Variants in MMP16 observed in about 807,000 individuals in gnomAD.
MMP16 encodes matrix metalloproteinase-16.
MMP16 carries 12 observed loss-of-function variants against 67.8 expected under a neutral mutation model. The ratio of observed to expected loss-of-function variants is 0.18; its 90% CI spans 0.11 to 0.29. The LOEUF is 0.29. MMP16 is among the 10% of genes least tolerant of loss of function. MMP16 has a pLI of 1.00. For synonymous variants in MMP16, 249 were observed against 255.9 expected, an observed-to-expected ratio of 0.97 and a Z score of 0.26; for missense variants, 475 against 765.7, an observed-to-expected ratio of 0.62 and a Z score of 4.48.
intron 3 of MMP16, among the ~76,000 whole-genome samples, chr8:88,178,042 T>C (rs28905771): frequency 6.6e-6 from 1 of 151,654 alleles, no homozygotes; most frequent in African/African-American, 2.4e-5. Flanking sequence ...AGAAATTCAG[T>C]TACAGCCAAC....
chr8:88,303,806 T>G (rs1811171062), intron 1 of MMP16, among the ~76,000 whole-genome samples: 1 of 152,002 alleles, frequency 6.6e-6, no homozygotes, highest in Admixed American at 6.6e-5. Flanking sequence ...CATTCAAAGA[T>G]CAGGAACCTC....
At chr8:88,232,020 C>A (rs1809867392) in intron 1 of MMP16, among the ~76,000 whole-genome samples, 1 of 152,038 alleles carries the variant, frequency 6.6e-6, no homozygotes, top group South Asian at 2.1e-4. Context: ...CGTTTTCCTG[C>A]ATGGACATTG....
At chr8:88,247,031 AG>A (rs1307396678) in intron 1 of MMP16, among the ~76,000 whole-genome samples, 1 of 152,166 alleles carries the variant, frequency 6.6e-6, no homozygotes, top group Admixed American at 6.5e-5. Flanking sequence ...CAGAGGAAGC[AG>A]TTCTTCCAAA....
chr8:88,056,372 T>C, intron 7 of MMP16, 94 bp from the exon 8 acceptor site: 1 of 418,754 alleles, frequency 2.4e-6, no homozygotes, highest in Non-Finnish European at 3.6e-6. Context: ...TAAATACATA[T>C]TATACATTTA....
At chr8:88,184,684 T>C (rs976936555) in intron 3 of MMP16, among the ~76,000 whole-genome samples, 3 of 131,508 alleles carry the variant, frequency 2.3e-5, no homozygotes, top group East Asian at 2.3e-4. Context: ...GAGGCAGAGT[T>C]TGTAGTGAGC....
At position 88,033,531 on chromosome 8, in the gene MMP16, A is replaced by C. The variant is rs1026397385; in HGVS notation, c.*7930T>G. ...TTTAAAAAAGCATCAACCAACTATG[A>C]ACTAATTAGATTTTATGTTTTTGTT... On this transcript the variant is annotated 3_prime_UTR_variant, in exon 10 of 10. Transcript: ENST00000286614. 1 of 151,922 alleles carries C rather than the reference A, an allele frequency of 6.6e-6. No homozygotes were observed. The highest frequency in any genetic ancestry group is 1.5e-5 in the Non-Finnish European group (1 of 67,928). 9.4% of individuals were successfully genotyped at this position (151,922 alleles called of 1,614,324 possible). A position where few individuals can be genotyped will look rare whatever the true frequency, so the allele number is the denominator to read the frequency against.
intron 2 of MMP16, among the ~76,000 whole-genome samples, chr8:88,192,786 A>T (rs1049677653): frequency 6.6e-6 from 1 of 152,220 alleles, no homozygotes; most frequent in Non-Finnish European, 1.5e-5. Context: ...TTTCATTGAA[A>T]TGACTTGAAA....
At position 88,237,492 on chromosome 8, in the gene MMP16, C is replaced by G. The variant is rs184751230; in HGVS notation, c.133-40186G>C. Among the ~76,000 whole-genome samples, 989 of 152,130 alleles carry G rather than the reference C, an allele frequency of 6.5e-3. 13 individuals are homozygous for G. Among genetic ancestry groups the G allele is most frequent in the African/African-American group, 0.022 (930 of 41,524 alleles). On this transcript the variant is annotated intron_variant, in intron 1 of 9. Transcript: ENST00000286614. ...GTGAAACCCGTCTCTACTAAATATA[C>G]AAAAAATTAGCCGGGCGTAGTGGCG...
At chr8:88,146,931 A>C (rs1419602274) in intron 4 of MMP16, among the ~76,000 whole-genome samples, 1 of 152,030 alleles carries the variant, frequency 6.6e-6, no homozygotes, top group African/African-American at 2.4e-5. Flanking sequence ...CCTATATAGC[A>C]GGTATAAATG....
chr8:88,146,647 G>C (rs956328500), intron 4 of MMP16, among the ~76,000 whole-genome samples: 1 of 151,674 alleles, frequency 6.6e-6, no homozygotes, highest in African/African-American at 2.4e-5. Context: ...AAATAAATAA[G>C]AATTTTATAT....
At chr8:88,074,254 A>C in intron 7 of MMP16, among the ~76,000 whole-genome samples, 1 of 152,194 alleles carries the variant, frequency 6.6e-6, no homozygotes, top group East Asian at 1.9e-4. Flanking sequence ...GGAGTGTAAT[A>C]GATTTTATTA....
At chr8:88,175,880 T>A (rs1808881497) in intron 3 of MMP16, among the ~76,000 whole-genome samples, 1 of 152,214 alleles carries the variant, frequency 6.6e-6, no homozygotes, top group Non-Finnish European at 1.5e-5. Flanking sequence ...AGGATTGTTA[T>A]TTTATAAAGA....
At position 88,129,170 on chromosome 8, in the gene MMP16, A is replaced by G. The variant is rs543447508; in HGVS notation, c.710-10309T>C. ...TTACATACATAGAAGCAACTAACCT[A>G]TATTCAAGTAAACTGCTTATTTTCT... On this transcript the variant is annotated intron_variant, in intron 4 of 9. Transcript: ENST00000286614. Among the ~76,000 whole-genome samples, 7 of 151,942 alleles carry G rather than the reference A, an allele frequency of 4.6e-5. No homozygotes were observed. In the East Asian group the frequency reaches 1.4e-3, roughly 30 times the overall value.
chr8:88,106,960 T>C (rs1328274856), intron 6 of MMP16, among the ~76,000 whole-genome samples: 3 of 151,208 alleles, frequency 2.0e-5, no homozygotes, highest in African/African-American at 7.3e-5. Flanking sequence ...TGTACCTTAT[T>C]TAGAAACAAC....
At chr8:88,244,683 A>AAAAG (rs1469018883) in intron 1 of MMP16, among the ~76,000 whole-genome samples, 2 of 152,176 alleles carry the variant, frequency 1.3e-5, no homozygotes. Flanking sequence ...CACAGTTGGT[A>AAAAG]AAAGGTAGGG....
intron 1 of MMP16, among the ~76,000 whole-genome samples, chr8:88,245,847 C>T (rs1005332461): frequency 6.6e-6 from 1 of 152,286 alleles, no homozygotes; most frequent in South Asian, 2.1e-4. Flanking sequence ...ATAAATAAAG[C>T]ACCCTTTTTC....
At chr8:88,193,677 T>C (rs767218240) in intron 2 of MMP16, among the ~76,000 whole-genome samples, 1 of 152,050 alleles carries the variant, frequency 6.6e-6, no homozygotes, top group Non-Finnish European at 1.5e-5. Context: ...ACTGTATGCC[T>C]GTATCAAAAC....
rs376463317 is a variant in MMP16, at chr8:88,282,119, G to A, written c.132+44956C>T. On this transcript the variant is annotated intron_variant, in intron 1 of 9. Coordinates refer to ENST00000286614, the MANE Select transcript of MMP16 (RefSeq NM_005941.5). Reference sequence around the variant, plus strand: ...GGCGACGGGGTCTTGCTGTCATCTAGGCTGGAGTACAATGGCATGATCTCG... The same window carrying A: ...GGCGACGGGGTCTTGCTGTCATCTAAGCTGGAGTACAATGGCATGATCTCG... Among the ~76,000 whole-genome samples the A allele has an allele frequency of 2.1e-4, 30 of 145,608 alleles. 2 individuals are homozygous for A. Among genetic ancestry groups the A allele is most frequent in the Middle Eastern group, 3.5e-3 (1 of 288 alleles).
intron 1 of MMP16, among the ~76,000 whole-genome samples, chr8:88,211,062 G>C (rs996798847): frequency 6.6e-6 from 1 of 152,104 alleles, no homozygotes; most frequent in Non-Finnish European, 1.5e-5. Flanking sequence ...AAGTGTCATT[G>C]TAACTTTGAA....
Sources: allele counts gnomAD v4.1 joint callset (sites outside exome capture counted in the v4.1 genomes callset), GRCh38; gene constraint gnomAD v4.1.1; transcripts MANE v1.5; gene names NCBI Gene and HGNC (gene_info 2026-07-23, HGNC 2026-07-21).